The following MED13L variants were observed in gnomAD, a reference collection of about 807,000 sequenced individuals.
MED13L encodes mediator of RNA polymerase II transcription subunit 13-like.
In MED13L, 7 loss-of-function variants were observed where a neutral mutation model predicts 220.9. The observed-to-expected ratio is 0.03, with a 90% confidence interval of 0.02 to 0.06. The LOEUF (loss-of-function observed/expected upper bound fraction) is 0.06. Ranked by LOEUF, MED13L falls within the 10% of genes least tolerant of loss-of-function variation. The pLI is 1.00. For synonymous variants in MED13L, 1,011 were observed against 1,015.2 expected (o/e 1.00, Z 0.08); for missense variants, 1,965 against 2,760.5 (o/e 0.71, Z 6.46).
At chr12:115,996,354 A>G in intron 16 of MED13L, 122 bp downstream of exon 16, 1 of 1,113,606 alleles carries the variant, frequency 9.0e-7, no homozygotes, top group Non-Finnish European at 1.3e-6. Context: ...CACCTCCCAA[A>G]GTGCTGGGAT....
chr12:116,133,311 T>C (rs1336543721), intron 2 of MED13L, among the ~76,000 whole-genome samples: 3 of 152,218 alleles, frequency 2.0e-5, no homozygotes, highest in African/African-American at 4.8e-5. Flanking sequence ...TGAGTCAACA[T>C]TGCCTAAAAG....
rs869201518 is a variant in MED13L, at chr12:116,102,710, C to CTTTTTTTTTTTTTTTTTTTTTTTTTTTTT, written c.396-5987_396-5959dup. ...TATTTTCTTTTTCTTTTTCTTTTTT[C>CTTTTTTTTTTTTTTTTTTTTTTTTTTTTT]TTTTTTTTTTTTTTTTTTTTTTTTT... On this transcript the variant is annotated intron_variant, in intron 3 of 30. Transcript: ENST00000281928. Among the ~76,000 whole-genome samples the CTTTTTTTTTTTTTTTTTTTTTTTTTTTTT allele has an allele frequency of 6.0e-4, 41 of 68,674 alleles. 1 individual carries two copies. The highest frequency in any genetic ancestry group is 7.8e-4 in the Non-Finnish European group (29 of 37,172). 45.1% of individuals were successfully genotyped at this position (68,674 alleles called of 152,430 possible).
Position 116,009,054 on chromosome 12 carries a change from T to C in MED13L, c.1359A>G (p.Pro453=). 9 of 1,614,122 alleles carry C rather than the reference T, an allele frequency of 5.6e-6. No individual in the cohort carries two copies. Among genetic ancestry groups the C allele is most frequent in the African/African-American group, 1.3e-5 (1 of 75,034 alleles). The change falls in exon 10 of 31, where the codon CCA becomes CCG. Residue 453 remains proline, a synonymous_variant. Transcript: ENST00000281928. The stretch of plus-strand genomic sequence containing the variant: ...GAGGTGGTAAAGATGAAGATGATGA[T>C]GGTCCTGCACTGAACCCTGGTTGAG... ...TVSQPGFSAG[P]SSSSSLPPPA...
At chr12:116,094,522 T>C (rs373127629) in intron 4 of MED13L, among the ~76,000 whole-genome samples, 1 of 152,220 alleles carries the variant, frequency 6.6e-6, no homozygotes, top group Non-Finnish European at 1.5e-5. Flanking sequence ...ACAAACTCTA[T>C]ATAAAATAGG....
chr12:116,029,085 A>T (rs1490996871), intron 4 of MED13L, among the ~76,000 whole-genome samples: 1 of 152,108 alleles, frequency 6.6e-6, no homozygotes, highest in Admixed American at 6.6e-5. Context: ...ATAAAATGAT[A>T]AAAAATGGAG....
In MED13L at chr12:116,019,221, C is replaced by T; in HGVS notation, c.1009+3G>A. On this transcript the variant is annotated splice_donor_region_variant and intron_variant, in intron 7 of 30. Coordinates refer to ENST00000281928, the MANE Select transcript of MED13L (RefSeq NM_015335.5). ...CCCCAGGACACTCCTGGATCCTACT[C>T]ACCTAGGATAGCCTGTTCTGGAGAG... 1 of 1,612,860 alleles carries T rather than the reference C, an allele frequency of 6.2e-7. No homozygotes were observed.
intron 2 of MED13L, among the ~76,000 whole-genome samples, chr12:116,139,446 C>T (rs980732618): frequency 1.3e-5 from 2 of 152,054 alleles, no homozygotes; most frequent in Non-Finnish European, 2.9e-5. Context: ...ATTATAAATC[C>T]GCCAAGTGAT....
At chr12:116,059,985 A>C (rs1447050394) in intron 4 of MED13L, among the ~76,000 whole-genome samples, 1 of 152,170 alleles carries the variant, frequency 6.6e-6, no homozygotes. Context: ...GAACCCCTTA[A>C]AGAAAACGCT....
chr12:116,122,895 G>A (rs1875221211), intron 2 of MED13L, among the ~76,000 whole-genome samples: 1 of 152,128 alleles, frequency 6.6e-6, no homozygotes, highest in South Asian at 2.1e-4. Flanking sequence ...TAAATTTCGA[G>A]ATAAACTGTA....
intron 2 of MED13L, among the ~76,000 whole-genome samples, chr12:116,141,342 T>C (rs1417002877): frequency 1.3e-5 from 2 of 152,180 alleles, no homozygotes; most frequent in African/African-American, 4.8e-5. Flanking sequence ...AATCCTGAAG[T>C]TGATTTTTTT....
intron 9 of MED13L, among the ~76,000 whole-genome samples, chr12:116,009,818 A>G (rs1592943624): frequency 1.3e-5 from 2 of 152,212 alleles, no homozygotes; most frequent in Non-Finnish European, 2.9e-5. Flanking sequence ...AAGTCGGCTC[A>G]CATCTTAACA....
At chr12:115,976,468 G>A (rs1315653078) in intron 23 of MED13L, among the ~76,000 whole-genome samples, 3 of 152,326 alleles carry the variant, frequency 2.0e-5, no homozygotes, top group Admixed American at 1.3e-4. Context: ...ACTGTCAGAA[G>A]TCAGAATAGT....
intron 1 of MED13L, among the ~76,000 whole-genome samples, chr12:116,270,143 T>TC (rs1441654850): frequency 6.6e-5 from 10 of 151,394 alleles, no homozygotes; most frequent in Non-Finnish European, 1.5e-5. Flanking sequence ...ATACCACAGA[T>TC]AATTTTTTTT....
intron 2 of MED13L, among the ~76,000 whole-genome samples, chr12:116,224,464 C>T (rs1241433127): frequency 6.6e-6 from 1 of 152,218 alleles, no homozygotes; most frequent in African/African-American, 2.4e-5. Context: ...GGAGACTTTA[C>T]TTTCTACCCT....
chr12:116,252,701 GA>G (rs990189037), intron 1 of MED13L, among the ~76,000 whole-genome samples: 6 of 151,208 alleles, frequency 4.0e-5, no homozygotes, highest in East Asian at 1.9e-4. Flanking sequence ...TGATAATACA[GA>G]AAAAAAGAAA....
rs542946207 is a variant in MED13L, at chr12:116,005,963, G to C, written c.2375C>G (p.Ala792Gly). ...DVRQDNAAGR[A>G]GSSSLTQVTD... ...TACCTGTGTAAGGCTACTGGAGCCA[G>C]CTCTGCCAGCAGCATTATCCTGCCG... The change falls in exon 13 of 31, where the codon GCT (alanine) becomes GGT (glycine). Residue 792 changes from alanine to glycine, a missense_variant. By Grantham distance (60) the Ala-to-Gly change is moderately conservative. Coordinates refer to ENST00000281928, the MANE Select transcript of MED13L (RefSeq NM_015335.5). The C allele has an allele frequency of 3.7e-6, 6 of 1,613,954 alleles. No individual in the cohort carries two copies. The Admixed American group carries it at 1.0e-4, about 27-fold the overall frequency.
intron 17 of MED13L, among the ~76,000 whole-genome samples, chr12:115,990,023 C>T (rs1406430286): frequency 6.6e-6 from 1 of 152,180 alleles, no homozygotes; most frequent in Non-Finnish European, 1.5e-5. Context: ...TGCAGGAAGA[C>T]CCAACCCCTA....
intron 2 of MED13L, among the ~76,000 whole-genome samples, chr12:116,211,367 G>A (rs1277227930): frequency 6.6e-6 from 1 of 151,978 alleles, no homozygotes. Context: ...ACTGAATACT[G>A]CAACTTGAGA....
intron 28 of MED13L, among the ~76,000 whole-genome samples, chr12:115,967,282 C>T (rs2137208761): frequency 6.8e-6 from 1 of 147,688 alleles, no homozygotes; most frequent in South Asian, 2.3e-4. Flanking sequence ...AAAAAATTTA[C>T]TGCCACTTTG....
Sources: allele counts gnomAD v4.1 joint callset (sites outside exome capture counted in the v4.1 genomes callset), GRCh38; gene constraint gnomAD v4.1.1; transcripts MANE v1.5; gene names NCBI Gene and HGNC (gene_info 2026-07-23, HGNC 2026-07-21).